Variants in EFHB observed in about 807,000 individuals in gnomAD.
EFHB encodes EF-hand domain family member B.
In EFHB, 91 loss-of-function variants were observed where a neutral mutation model predicts 87.2. That is an observed-to-expected ratio of 1.04 (90% CI 0.88 to 1.24). The LOEUF is 1.24. EFHB is among the 50% of genes most tolerant of loss of function. EFHB has a pLI of 0.00. For missense variants in EFHB, 1,084 were observed against 998.8 expected, an observed-to-expected ratio of 1.09 and a Z score of -1.15; for synonymous variants, 325 against 333.6, an observed-to-expected ratio of 0.97 and a Z score of 0.28.
intron 1 of EFHB, among the ~76,000 whole-genome samples, chr3:19,924,932 C>A (rs1474240181): frequency 1.3e-5 from 2 of 151,830 alleles, no homozygotes; most frequent in Non-Finnish European, 2.9e-5. Flanking sequence ...AGAGAAATAC[C>A]GCTTCTAAGC....
intron 1 of EFHB, among the ~76,000 whole-genome samples, chr3:19,944,444 A>G (rs561736604): frequency 6.6e-6 from 1 of 152,344 alleles, no homozygotes; most frequent in Non-Finnish European, 1.5e-5. Flanking sequence ...CACATTTGAC[A>G]CTAAAATATA....
At chr3:19,885,218 G>C (rs938137773) in intron 10 of EFHB, among the ~76,000 whole-genome samples, 52 of 126,478 alleles carry the variant, frequency 4.1e-4, no homozygotes, top group Non-Finnish European at 7.3e-4. Context: ...GTGAGACTTC[G>C]TCTCAAAAAA....
chr3:19,933,466 CTG>C lies in EFHB; in HGVS notation c.551_552del (p.Thr184ArgfsTer3), dbSNP rs1405357589. The C allele has an allele frequency of 1.9e-6, 3 of 1,613,898 alleles. No homozygotes were observed. The African/African-American group carries it at 4.0e-5, about 22-fold the overall frequency. The part of the protein sequence containing the change: ...ESTCVLMKPN[T>X]EIKLPVEVDI... ...TCCACCTCCACAGGAAGCTTAATCT[CTG>C]TGTTGGGTTTCATTAAAACACAGGT... is the stretch of plus-strand genomic sequence containing the variant. On this transcript the variant is annotated frameshift_variant, in exon 1 of 13. Transcript: ENST00000295824. LOFTEE classifies it high-confidence loss of function.
At chr3:19,932,398 G>C (rs887635036) in intron 1 of EFHB, among the ~76,000 whole-genome samples, 1 of 152,106 alleles carries the variant, frequency 6.6e-6, no homozygotes, top group Non-Finnish European at 1.5e-5. Flanking sequence ...TGGGCCTTTA[G>C]ATGTCTTCTA....
At chr3:19,886,261 A>G (rs1403074240) in intron 10 of EFHB, among the ~76,000 whole-genome samples, 1 of 152,220 alleles carries the variant, frequency 6.6e-6, no homozygotes, top group Non-Finnish European at 1.5e-5. Context: ...ATAGAATAGA[A>G]AGGCTAACCC....
chr3:19,915,990 A>G (rs1408633256), intron 4 of EFHB, among the ~76,000 whole-genome samples: 2 of 152,058 alleles, frequency 1.3e-5, no homozygotes, highest in African/African-American at 2.4e-5. Flanking sequence ...AAAAAAAACT[A>G]TATTATCAGT....
At chr3:19,931,471 A>G (rs1559474569) in intron 1 of EFHB, among the ~76,000 whole-genome samples, 1 of 152,236 alleles carries the variant, frequency 6.6e-6, no homozygotes, top group Non-Finnish European at 1.5e-5. Context: ...GGTCAAGTAA[A>G]GTGGCTGGGA....
At chr3:19,900,715 G>A (rs1694641938) in intron 6 of EFHB, among the ~76,000 whole-genome samples, 1 of 152,050 alleles carries the variant, frequency 6.6e-6, no homozygotes, top group Admixed American at 6.6e-5. Context: ...GATCACTTGA[G>A]GTCAGGAGTT....
intron 6 of EFHB, among the ~76,000 whole-genome samples, chr3:19,904,925 G>A (rs1269637818): frequency 5.9e-5 from 9 of 152,112 alleles, no homozygotes; most frequent in African/African-American, 9.7e-5. Context: ...ATCTTCCAAA[G>A]TTTATGTGTT....
Position 19,883,680 on chromosome 3 carries a change from A to T in EFHB, c.2146+723T>A, listed in dbSNP as rs545704603. 2.0e-5 allele frequency among the ~76,000 whole-genome samples: 3 copies of T among 152,304 alleles called. 1 individual carries two copies. In the South Asian group the frequency reaches 6.2e-4, roughly 32 times the overall value. ...ATTAATTAAGATAAGGTCATACTGG[A>T]GTATGGTGGGCCCCTAACCTAATAT... On this transcript the variant is annotated intron_variant, in intron 11 of 12. Transcript: ENST00000295824.
rs1695928897 is a variant in EFHB, at chr3:19,933,897, G to A, written c.122C>T (p.Ser41Phe). 1.9e-6 allele frequency: 3 copies of A among 1,613,872 alleles called. No individual in the cohort carries two copies. Among genetic ancestry groups the A allele is most frequent in the Non-Finnish European group, 1.7e-6 (2 of 1,179,886 alleles). The change falls in exon 1 of 13, where the codon TCC becomes TTC. Residue 41 changes from serine (S) to phenylalanine (F), a missense_variant. Transcript: ENST00000295824. ...GIRVGLGKED[S>F]RCGESPVVSN... ...AACCACAGGGCTCTCCCCGCATCGG[G>A]AATCTTCTTTTCCTAATCCTACTCT...
intron 1 of EFHB, among the ~76,000 whole-genome samples, chr3:19,924,163 A>G (rs968251258): frequency 1.3e-5 from 2 of 151,192 alleles, no homozygotes; most frequent in African/African-American, 2.4e-5. Flanking sequence ...CATTCTTTCT[A>G]TATTTATTAA....
At chr3:19,889,304 C>T (rs1694219657) in intron 9 of EFHB, among the ~76,000 whole-genome samples, 1 of 152,190 alleles carries the variant, frequency 6.6e-6, no homozygotes, top group Non-Finnish European at 1.5e-5. Context: ...GGAAGAATGT[C>T]AACAGCTGGG....
At chr3:19,896,882 C>A (rs1332952922) in intron 8 of EFHB, 41 bp from the exon 9 acceptor site, 1 of 1,498,704 alleles carries the variant, frequency 6.7e-7, no homozygotes, top group Non-Finnish European at 8.9e-7. Context: ...AATTTAAAGT[C>A]TTTCTATATT....
intron 1 of EFHB, chr3:19,940,828 C>G (rs1696141611): frequency 2.6e-6 from 1 of 386,788 alleles, no homozygotes; most frequent in Admixed American, 3.2e-5. Context: ...AGGTTGCTAT[C>G]CTTGGTCATG....
Position 19,943,541 on chromosome 3 carries a change from A to G in EFHB, c.-32+3378T>C, listed in dbSNP as rs1267359987. Among the ~76,000 whole-genome samples, 5 of 152,334 alleles carry G rather than the reference A, an allele frequency of 3.3e-5. No individual in the cohort carries two copies. The South Asian group carries it at 6.2e-4, about 19-fold the overall frequency. ...ACAGTTAGCCCTCTGTATTCCATCG[A>G]AAGTATTTGAGTTAAAAAATGAAAA... On this transcript the variant is annotated intron_variant, in intron 1 of 14. Coordinates refer to the EFHB transcript ENST00000344838.
At chr3:19,937,834 C>T (rs752912060), upstream of EFHB, among the ~76,000 whole-genome samples, 9 of 152,128 alleles carry the variant, frequency 5.9e-5, no homozygotes, top group Non-Finnish European at 1.0e-4. Context: ...GGTTATAGCC[C>T]TGACCCTGGT....
intron 1 of EFHB, chr3:19,940,585 C>A: frequency 2.0e-6 from 1 of 491,394 alleles, no homozygotes; most frequent in South Asian, 1.5e-5. Flanking sequence ...TGACACCTGT[C>A]TCTGCTTCTC....
At chr3:19,908,596 G>GAC (rs57636737) in intron 5 of EFHB, among the ~76,000 whole-genome samples, 2 of 97,102 alleles carry the variant, frequency 2.1e-5, no homozygotes, top group East Asian at 2.9e-4. Context: ...GAGAGAGAGA[G>GAC]AGAGAAAGAA....
Sources: allele counts gnomAD v4.1 joint callset (sites outside exome capture counted in the v4.1 genomes callset), GRCh38; gene constraint gnomAD v4.1.1; transcripts MANE v1.5; gene names NCBI Gene and HGNC (gene_info 2026-07-23, HGNC 2026-07-21).